PTBP3: variants seen among roughly 807,000 people sequenced by gnomAD.
PTBP3 encodes polypyrimidine tract-binding protein 3.
A neutral mutation model predicts 58.7 loss-of-function variants in PTBP3; 20 were observed. The observed-to-expected ratio is 0.34, with a 90% confidence interval of 0.24 to 0.50. The LOEUF (loss-of-function observed/expected upper bound fraction) is 0.50. Among genes scored for constraint, PTBP3 ranks in the 20% least tolerant of loss-of-function variants. PTBP3 has a pLI of 0.98. For synonymous variants in PTBP3, 185 were observed against 219.8 expected (o/e 0.84, Z 1.40); for missense variants, 509 against 637.2 (o/e 0.80, Z 2.17).
At chr9:112,335,599 CTTTTTTTTTT>C (rs113253430), upstream of PTBP3, among the ~76,000 whole-genome samples, 2 of 102,710 alleles carry the variant, frequency 1.9e-5, no homozygotes, top group Non-Finnish European at 3.7e-5. Flanking sequence ...TACCATTTTT[CTTTTTTTTTT>C]TTTTTTTTTT....
chr9:112,378,009 T>C, the PTBP3 span, among the ~76,000 whole-genome samples: 2 of 152,228 alleles, frequency 1.3e-5, no homozygotes, highest in African/African-American at 4.8e-5. Flanking sequence ...TCTGTGCCTT[T>C]ATCTACTCAC....
intron 2 of PTBP3, among the ~76,000 whole-genome samples, chr9:112,292,477 T>C (rs977404470): frequency 3.3e-5 from 5 of 152,170 alleles, no homozygotes; most frequent in African/African-American, 1.2e-4. Context: ...CTGCACACCA[T>C]GTTCACTGCA....
chr9:112,376,189 C>T, the PTBP3 span, among the ~76,000 whole-genome samples: 4 of 99,630 alleles, frequency 4.0e-5, no homozygotes, highest in Non-Finnish European at 7.3e-5. Context: ...CCTATTACTT[C>T]CTTATATACG....
chr9:112,333,375 C>T, intron 1 of PTBP3, 95 bp downstream of exon 1: 1 of 1,339,352 alleles, frequency 7.5e-7, no homozygotes, highest in Non-Finnish European at 9.7e-7. Context: ...GCCGGCGCCG[C>T]GCACTGCTCC....
At position 112,276,782 on chromosome 9, in the gene PTBP3, T is replaced by C. The variant is rs564175008; in HGVS notation, c.35-769A>G. ...ATCTAAGCTAAATTTATTTAAATCC[T>C]ATTGTTTCAATACTGAGAATAACTA... On this transcript the variant is annotated intron_variant, in intron 2 of 13. Transcript: ENST00000374257. Among the ~76,000 whole-genome samples the C allele has an allele frequency of 6.5e-4, 99 of 152,316 alleles. 1 individual carries two copies. Among genetic ancestry groups the C allele is most frequent in the Middle Eastern group, 3.4e-3 (1 of 294 alleles).
intron 7 of PTBP3, among the ~76,000 whole-genome samples, chr9:112,247,243 G>A (rs777108786): frequency 1.3e-5 from 2 of 149,722 alleles, no homozygotes; most frequent in African/African-American, 4.9e-5. Flanking sequence ...TTCAGCCTGG[G>A]CAACAGATTA....
At chr9:112,245,988 A>ATT (rs369101910) in intron 7 of PTBP3, among the ~76,000 whole-genome samples, 1 of 146,524 alleles carries the variant, frequency 6.8e-6, no homozygotes, top group African/African-American at 2.5e-5. Flanking sequence ...CAAGAAAAAC[A>ATT]TTTTTTTTTT....
the PTBP3 span, among the ~76,000 whole-genome samples, chr9:112,366,806 T>C: frequency 4.6e-5 from 7 of 152,140 alleles, no homozygotes; most frequent in South Asian, 8.3e-4. Flanking sequence ...GGCCCCAGAA[T>C]GATAGATCCA....
At chr9:112,242,413 T>TG (rs55822699) in intron 7 of PTBP3, 9 of 151,698 alleles carry the variant, frequency 5.9e-5, no homozygotes, top group African/African-American at 1.7e-4. Flanking sequence ...ACTAAAATAA[T>TG]TTACAATATG....
chr9:112,370,460 G>A, the PTBP3 span, among the ~76,000 whole-genome samples: 1 of 152,170 alleles, frequency 6.6e-6, no homozygotes, highest in African/African-American at 2.4e-5. Flanking sequence ...AGGATCACTT[G>A]AGCCCAGGAG....
chr9:112,330,789 AACTT>A (rs1310363927), intron 1 of PTBP3, among the ~76,000 whole-genome samples: 3 of 152,178 alleles, frequency 2.0e-5, no homozygotes, highest in Non-Finnish European at 2.9e-5. Flanking sequence ...GCCAAACCAA[AACTT>A]AAAATCACCA....
chr9:112,224,144 A>T lies in PTBP3; in HGVS notation c.1431T>A (p.Phe477Leu), dbSNP rs1287400114. The T allele has an allele frequency of 6.3e-7, 1 of 1,581,726 alleles. No homozygotes were observed. Among genetic ancestry groups the T allele is most frequent in the South Asian group, 1.2e-5 (1 of 85,802 alleles). The change falls in exon 13 of 14, where the codon TTT becomes TTA. Residue 477 changes from phenylalanine to leucine, a missense_variant. Physicochemically the swap from Phe to Leu is conservative, Grantham distance 22. Transcript: ENST00000374257. ...FIEAGCSVKA[F>L]KFFQKDRKMA... ...AAGCAAAGACTTACTGAAAGAATTT[A>T]AAAGCCTTCACTGAACATCCAGCTT...
chr9:112,268,112 C>T lies in PTBP3; in HGVS notation c.288G>A (p.Gln96=), dbSNP rs1368706886. Residue 96 remains glutamine (Q), a synonymous_variant, in exon 4 of 14, where the codon CAG becomes CAA. Coordinates refer to ENST00000374257, the MANE Select transcript of PTBP3 (RefSeq NM_001163788.4). ...GATTGGAATACTGAATATAAACAGG[C>T]TGGCTTCGAAGGTGAGGAGTAATAG... ...YTPITPHLRS[Q]PVYIQYSNHR... 2 of 1,613,836 alleles carry T rather than the reference C, an allele frequency of 1.2e-6. No homozygotes were observed. The highest frequency in any genetic ancestry group is 1.7e-6 in the Non-Finnish European group (2 of 1,179,824).
At chr9:112,305,324 G>A (rs1026921918) in intron 1 of PTBP3, among the ~76,000 whole-genome samples, 12 of 150,038 alleles carry the variant, frequency 8.0e-5, no homozygotes, top group Non-Finnish European at 1.5e-4. Context: ...GTAAGGAATA[G>A]CCATGCCAGA....
chr9:112,331,611 C>A (rs1487823639), intron 1 of PTBP3, among the ~76,000 whole-genome samples: 1 of 152,096 alleles, frequency 6.6e-6, no homozygotes, highest in Non-Finnish European at 1.5e-5. Flanking sequence ...ACGCTTGCTG[C>A]ATAAAAAATA....
At chr9:112,307,244 G>C (rs1169399065) in intron 1 of PTBP3, among the ~76,000 whole-genome samples, 1 of 152,174 alleles carries the variant, frequency 6.6e-6, no homozygotes, top group East Asian at 1.9e-4. Flanking sequence ...CTTGAGCTCA[G>C]GAGTTCGAGA....
chr9:112,340,693 A>G, the PTBP3 span, among the ~76,000 whole-genome samples: 5 of 151,912 alleles, frequency 3.3e-5, no homozygotes, highest in African/African-American at 1.2e-4. Flanking sequence ...GACCAGCCTC[A>G]ACATGGAGAA....
chr9:112,252,643 T>C, intron 6 of PTBP3, 35 bp downstream of exon 6: 1 of 1,467,506 alleles, frequency 6.8e-7, no homozygotes, highest in South Asian at 1.1e-5. Context: ...CTGGAGTGAT[T>C]AACAATTGAA....
chr9:112,330,614 A>AGTCT, intron 1 of PTBP3: 1 of 585,306 alleles, frequency 1.7e-6, no homozygotes. Flanking sequence ...GTTGTGAAAT[A>AGTCT]TTAATACAAA....
Sources: gnomAD v4.1 joint callset for allele counts (sites outside exome capture counted in the v4.1 genomes callset) on GRCh38, gnomAD v4.1.1 for gene constraint, MANE v1.5 for transcripts, NCBI Gene and HGNC (gene_info 2026-07-23, HGNC 2026-07-21) for gene names.